The following PARD3B variants were observed in gnomAD, a reference collection of about 807,000 sequenced individuals.
PARD3B encodes the protein partitioning defective 3 homolog B.
In PARD3B, 103 loss-of-function variants were observed where a neutral mutation model predicts 130.2. The ratio of observed to expected loss-of-function variants is 0.79; its 90% CI spans 0.67 to 0.93. The LOEUF is 0.93. Ranked by LOEUF, PARD3B falls within the 40% of genes least tolerant of loss-of-function variation. The pLI is 0.00. For synonymous variants in PARD3B, 583 were observed against 553.2 expected, an observed-to-expected ratio of 1.05 and a Z score of -0.76; for missense variants, 1,609 against 1,499.2, an observed-to-expected ratio of 1.07 and a Z score of -1.21.
In PARD3B at chr2:205,128,455, G is replaced by T. The variant is rs1251555690; in HGVS notation, c.1434+2718G>T. 6.6e-6 allele frequency among the ~76,000 whole-genome samples: 1 copy of T among 152,116 alleles called. No individual in the cohort carries two copies. Among genetic ancestry groups the T allele is most frequent in the Admixed American group, 6.5e-5 (1 of 15,270 alleles). On this transcript the variant is annotated intron_variant, in intron 10 of 22. Transcript: ENST00000406610. This position sits in a 1 kb window ranked among gnomAD's most constrained non-coding sequence, Gnocchi z 4.5. ...AATTATATCTGGAAGTTAGCAACTG[G>T]AATAACATTTAACATTGTCTCTGGA...
intron 2 of PARD3B, among the ~76,000 whole-genome samples, chr2:204,891,956 G>A (rs1162231571): frequency 6.6e-6 from 1 of 152,154 alleles, no homozygotes; most frequent in Non-Finnish European, 1.5e-5. Flanking sequence ...ATGGCAACCA[G>A]TGGAATGCTT....
At position 205,288,378 on chromosome 2, in the gene PARD3B, T is replaced by C. The variant is rs191411684; in HGVS notation, c.2186-12152T>C. The stretch of plus-strand genomic sequence containing the variant: ...TGAAGAAATTAGAAGAAATTTGAAA[T>C]TGTAAAAAGAAAGGAAGAGCAAGAG... On this transcript the variant is annotated intron_variant, in intron 16 of 22. Transcript: ENST00000406610. This position sits in a 1 kb window ranked among gnomAD's most constrained non-coding sequence, Gnocchi z 4.0. Among the ~76,000 whole-genome samples, 8 of 152,146 alleles carry C rather than the reference T, an allele frequency of 5.3e-5. No individual in the cohort carries two copies. Among genetic ancestry groups the C allele is most frequent in the African/African-American group, 1.7e-4 (7 of 41,442 alleles).
chr2:204,801,373 G>A (rs2042561911), intron 2 of PARD3B, among the ~76,000 whole-genome samples: 3 of 152,072 alleles, frequency 2.0e-5, no homozygotes, highest in Non-Finnish European at 1.5e-5. Context: ...ATTTACTTGT[G>A]TCCTCTCTTA....
At chr2:205,404,714 T>TA (rs1353751146) in intron 19 of PARD3B, among the ~76,000 whole-genome samples, 1 of 152,144 alleles carries the variant, frequency 6.6e-6, no homozygotes, top group African/African-American at 2.4e-5. Flanking sequence ...GGTCTCGCGC[T>TA]ACGTTGTACA....
chr2:205,505,116 C>A (rs1015723786), intron 21 of PARD3B, among the ~76,000 whole-genome samples: 27 of 152,222 alleles, frequency 1.8e-4, no homozygotes, highest in South Asian at 1.7e-3. Flanking sequence ...TGGAAACCAT[C>A]ATTCTCAGCA....
intron 19 of PARD3B, among the ~76,000 whole-genome samples, chr2:205,429,345 C>G (rs1417120105): frequency 1.3e-5 from 2 of 152,144 alleles, no homozygotes; most frequent in Non-Finnish European, 2.9e-5. Context: ...TTTCCCAATA[C>G]TAAGTACATC....
Position 205,461,443 on chromosome 2 carries a change from A to G in PARD3B, c.3044+20771A>G, listed in dbSNP as rs567064568. On this transcript the variant is annotated intron_variant, in intron 20 of 22. Transcript: ENST00000406610. The surrounding 1 kb of genome is among the most constrained non-coding windows in gnomAD (Gnocchi z 4.3). ...TTCATTGAACCAAGAGGTATTCCCT[A>G]GCACGGACTGCCATGTAGAAAAGGT... Among the ~76,000 whole-genome samples the G allele has an allele frequency of 6.6e-6, 1 of 152,308 alleles. No individual in the cohort carries two copies. The highest frequency in any genetic ancestry group is 2.1e-4 in the South Asian group (1 of 4,822).
chr2:204,920,570 A>G (rs2047636624), intron 2 of PARD3B, among the ~76,000 whole-genome samples: 2 of 152,206 alleles, frequency 1.3e-5, no homozygotes, highest in Non-Finnish European at 2.9e-5. Flanking sequence ...TGCTCACACC[A>G]AAGAATTATT....
intron 1 of PARD3B, among the ~76,000 whole-genome samples, chr2:204,651,824 C>G (rs1386403992): frequency 2.0e-5 from 3 of 152,194 alleles, no homozygotes; most frequent in Non-Finnish European, 4.4e-5. Context: ...CCAAAGCTCA[C>G]CTTTTGCCCT....
Position 205,351,911 on chromosome 2 carries a change from A to G in PARD3B, c.2631-49102A>G, listed in dbSNP as rs2044007872. ...ATAACATCCCAGTGTCTTTCTGTCA[A>G]GCTACCTGCCTCCCAGGTACACGCG... On this transcript the variant is annotated intron_variant, in intron 18 of 22. Transcript: ENST00000406610. This position sits in a 1 kb window ranked among gnomAD's most constrained non-coding sequence, Gnocchi z 4.2. Among the ~76,000 whole-genome samples, 1 of 152,164 alleles carries G rather than the reference A, an allele frequency of 6.6e-6. No individual in the cohort carries two copies. The highest frequency in any genetic ancestry group is 1.5e-5 in the Non-Finnish European group (1 of 68,030).
Position 205,616,715 on chromosome 2 carries a change from T to TA in PARD3B, c.*902_*903insA, listed in dbSNP as rs371973904. 1 of 152,352 alleles carries TA rather than the reference T, an allele frequency of 6.6e-6. No homozygotes were observed. The highest frequency in any genetic ancestry group is 1.9e-4 in the East Asian group (1 of 5,164). 9.4% of individuals were successfully genotyped at this position (152,352 alleles called of 1,614,324 possible). On this transcript the variant is annotated 3_prime_UTR_variant, in exon 23 of 23. Transcript: ENST00000406610. ...AACTGGGGTCTCTAAGGTTCCCACT[T>TA]GAGGGCTAAAATGTAGTTGGGAAAG...
intron 13 of PARD3B, among the ~76,000 whole-genome samples, chr2:205,178,027 C>A (rs1003450112): frequency 1.3e-5 from 2 of 151,232 alleles, no homozygotes; most frequent in South Asian, 2.1e-4. Flanking sequence ...GACTTTAGAC[C>A]GGGCACAGTG....
intron 2 of PARD3B, among the ~76,000 whole-genome samples, chr2:204,697,616 A>G (rs991955071): frequency 2.0e-5 from 3 of 152,236 alleles, no homozygotes; most frequent in Middle Eastern, 3.4e-3. Flanking sequence ...GCCAACTGTC[A>G]GCCTCTGAGG....
chr2:205,374,626 A>G (rs1033063325), intron 18 of PARD3B, among the ~76,000 whole-genome samples: 2 of 152,208 alleles, frequency 1.3e-5, no homozygotes, highest in South Asian at 4.1e-4. Context: ...TTTATTTAAT[A>G]TGATATTATA....
At position 205,618,464 on chromosome 2, in the gene PARD3B, G is replaced by A. The variant is rs2055501634; in HGVS notation, c.*2651G>A. The A allele has an allele frequency of 6.6e-6, 1 of 152,184 alleles. No homozygotes were observed. The highest frequency in any genetic ancestry group is 6.5e-5 in the Admixed American group (1 of 15,274). 9.4% of individuals were successfully genotyped at this position (152,184 alleles called of 1,614,324 possible). A position where few individuals can be genotyped will look rare whatever the true frequency, so the allele number is the denominator to read the frequency against. ...TAATCAGTAATGTGCCTGGGAGCAG[G>A]AAATAGCTCCCAATTTATTTATGGC... On this transcript the variant is annotated 3_prime_UTR_variant, in exon 23 of 23. Transcript: ENST00000406610.
At chr2:205,348,036 C>A (rs2043858246) in intron 18 of PARD3B, 1 of 152,146 alleles carries the variant, frequency 6.6e-6, no homozygotes, top group South Asian at 2.1e-4. Flanking sequence ...ACCAAAGATC[C>A]CCTGTTCTAG....
intron 2 of PARD3B, among the ~76,000 whole-genome samples, chr2:204,732,453 C>T (rs374342266): frequency 3.3e-5 from 5 of 151,670 alleles, no homozygotes; most frequent in South Asian, 4.2e-4. Context: ...TTACTTTGCT[C>T]ATTAGTTTAA....
At chr2:204,844,827 G>A (rs930472942) in intron 2 of PARD3B, among the ~76,000 whole-genome samples, 3 of 152,030 alleles carry the variant, frequency 2.0e-5, no homozygotes, top group African/African-American at 4.8e-5. Flanking sequence ...ATTTGAAAAT[G>A]TATTAATAAC....
intron 2 of PARD3B, among the ~76,000 whole-genome samples, chr2:204,793,576 C>T (rs527847103): frequency 1.3e-4 from 20 of 152,014 alleles, no homozygotes; most frequent in African/African-American, 3.9e-4. Context: ...GGCGTGACCT[C>T]GGATCACTGC....
Sources: allele counts gnomAD v4.1 joint callset (sites outside exome capture counted in the v4.1 genomes callset), GRCh38; gene constraint gnomAD v4.1.1; non-coding constraint Gnocchi (gnomAD v3.1); transcripts MANE v1.5; gene names NCBI Gene and HGNC (gene_info 2026-07-23, HGNC 2026-07-21).